PREP: variants seen among roughly 807,000 people sequenced by gnomAD.
The protein encoded by PREP is dJ355L5.1 (prolyl endopeptidase).
Under a neutral mutation model 87.6 loss-of-function variants are expected in PREP, and 29 were observed. The observed-to-expected ratio is 0.33, with a 90% confidence interval of 0.25 to 0.45. PREP has a LOEUF of 0.45. Among genes scored for constraint, PREP ranks in the 20% least tolerant of loss-of-function variants. The probability of loss-of-function intolerance (pLI) is 1.00; values close to 1 mark genes in which losing one functional copy is unlikely to be tolerated. For synonymous variants in PREP, 337 were observed against 328.6 expected, an observed-to-expected ratio of 1.03 and a Z score of -0.28; for missense variants, 695 against 886.5, an observed-to-expected ratio of 0.78 and a Z score of 2.74.
At chr6:105,363,336 T>C (rs190453577) in intron 6 of PREP, among the ~76,000 whole-genome samples, 2 of 152,306 alleles carry the variant, frequency 1.3e-5, no homozygotes, top group East Asian at 1.9e-4. Flanking sequence ...TTGATTTCTT[T>C]AGGATTTTTT....
chr6:105,402,697 C>T (rs1456883883), intron 1 of PREP, 150 bp downstream of exon 1: 1 of 684,144 alleles, frequency 1.5e-6, no homozygotes, highest in Non-Finnish European at 2.2e-6. Context: ...GCCCCGCGCC[C>T]CCGGCCCAAT....
chr6:105,395,922 T>C (rs115295054), intron 2 of PREP, among the ~76,000 whole-genome samples: 139 of 152,320 alleles, frequency 9.1e-4, no homozygotes, highest in African/African-American at 3.0e-3. Context: ...TGCAGGTGCA[T>C]GTGACTCTCC....
At chr6:105,288,995 G>A in intron 10 of PREP, 101 bp from the exon 11 acceptor site, 1 of 1,215,284 alleles carries the variant, frequency 8.2e-7, no homozygotes, top group Non-Finnish European at 1.1e-6. Context: ...ATGATGTACA[G>A]TAGCACAGTG....
intron 4 of PREP, among the ~76,000 whole-genome samples, chr6:105,374,632 TTATATATATATATATATATATATATA>T (rs61452752): frequency 0.018 from 1,633 of 91,726 alleles, 50 homozygotes; most frequent in African/African-American, 0.033. Flanking sequence ...TTTGAATTGT[TTATATATATATATATATATATATATA>T]TATATATATA....
At chr6:105,391,449 A>AG (rs1773144279) in intron 2 of PREP, among the ~76,000 whole-genome samples, 1 of 152,170 alleles carries the variant, frequency 6.6e-6, no homozygotes, top group South Asian at 2.1e-4. Context: ...CTCAAACTCC[A>AG]GGGCTCAAGT....
At chr6:105,332,083 C>T (rs1171513921) in intron 8 of PREP, among the ~76,000 whole-genome samples, 1 of 152,168 alleles carries the variant, frequency 6.6e-6, no homozygotes, top group Non-Finnish European at 1.5e-5. Flanking sequence ...GTCTTGGGTC[C>T]TGTCCAACAG....
intron 12 of PREP, among the ~76,000 whole-genome samples, chr6:105,284,513 G>A (rs1380409499): frequency 1.3e-5 from 2 of 152,162 alleles, no homozygotes. Flanking sequence ...TCTTAAGGGT[G>A]GTCTCTGATG....
At chr6:105,311,354 CCTTA>C (rs1442180812) in intron 10 of PREP, among the ~76,000 whole-genome samples, 2 of 152,184 alleles carry the variant, frequency 1.3e-5, no homozygotes, top group African/African-American at 4.8e-5. Flanking sequence ...TCCACTCCCC[CCTTA>C]CTCACTGGGC....
At chr6:105,392,411 T>C (rs1773176670) in intron 2 of PREP, among the ~76,000 whole-genome samples, 1 of 152,130 alleles carries the variant, frequency 6.6e-6, no homozygotes. Context: ...TACTCTGATA[T>C]CCCATTTATA....
chr6:105,362,004 T>C (rs937638956), intron 6 of PREP, among the ~76,000 whole-genome samples: 2 of 152,208 alleles, frequency 1.3e-5, no homozygotes, highest in African/African-American at 2.4e-5. Context: ...ATCCAAATAC[T>C]GTGTGTTGTG....
chr6:105,314,902 T>A (rs746482635), intron 10 of PREP, among the ~76,000 whole-genome samples: 68 of 152,312 alleles, frequency 4.5e-4, no homozygotes, highest in Non-Finnish European at 7.9e-4. Flanking sequence ...AATTACTCCT[T>A]CATCCATGGG....
chr6:105,281,957 T>A (rs1420286122), intron 13 of PREP, 55 bp from the exon 14 acceptor site: 1 of 1,588,180 alleles, frequency 6.3e-7, no homozygotes, highest in Non-Finnish European at 8.6e-7. Flanking sequence ...AACATCTACA[T>A]AAACAAGGCA....
chr6:105,294,294 G>C (rs1770362281), intron 10 of PREP, among the ~76,000 whole-genome samples: 1 of 152,198 alleles, frequency 6.6e-6, no homozygotes, highest in Non-Finnish European at 1.5e-5. Flanking sequence ...TGTGGCAGGT[G>C]GATCTGGGCT....
At chr6:105,382,509 T>C (rs1282256313) in intron 2 of PREP, among the ~76,000 whole-genome samples, 1 of 152,138 alleles carries the variant, frequency 6.6e-6, no homozygotes, top group African/African-American at 2.4e-5. Flanking sequence ...AATGGAAGTG[T>C]AAATTAAAAA....
intron 6 of PREP, among the ~76,000 whole-genome samples, chr6:105,368,518 C>T (rs1004647600): frequency 6.6e-6 from 1 of 152,134 alleles, no homozygotes; most frequent in Non-Finnish European, 1.5e-5. Context: ...GGGAAAGACA[C>T]ACTCTCTTTC....
rs753048985 is a variant in PREP, at chr6:105,282,599, T to G, written c.1550-17A>C. 19 of 1,604,116 alleles carry G rather than the reference T, an allele frequency of 1.2e-5. No individual in the cohort carries two copies. ...AGATACCACCTACAGTGTGCCAAAG[T>G]GGAAGATAGTTAATTAACAAAACAT... On this transcript the variant is annotated splice_polypyrimidine_tract_variant and intron_variant, in intron 12 of 14. Transcript: ENST00000652536.
At chr6:105,387,682 C>T (rs547087527) in intron 2 of PREP, among the ~76,000 whole-genome samples, 1 of 151,690 alleles carries the variant, frequency 6.6e-6, no homozygotes, top group African/African-American at 2.4e-5. Context: ...AAAAAAATCT[C>T]ATAATGTTTT....
intron 7 of PREP, among the ~76,000 whole-genome samples, chr6:105,337,168 T>C (rs1240944548): frequency 2.0e-5 from 3 of 152,234 alleles, no homozygotes; most frequent in African/African-American, 4.8e-5. Flanking sequence ...CCAGTGTTTC[T>C]GCTGGCTCTA....
intron 6 of PREP, among the ~76,000 whole-genome samples, chr6:105,354,459 T>C (rs1034162729): frequency 2.6e-5 from 4 of 152,196 alleles, no homozygotes; most frequent in African/African-American, 9.7e-5. Flanking sequence ...GTTAATTTTA[T>C]ATGTCAATCT....
Sources: allele counts gnomAD v4.1 joint callset (sites outside exome capture counted in the v4.1 genomes callset), GRCh38; gene constraint gnomAD v4.1.1; transcripts MANE v1.5; gene names NCBI Gene and HGNC (gene_info 2026-07-23, HGNC 2026-07-21).